The following PCDH15 variants were observed in gnomAD, a reference collection of about 807,000 sequenced individuals.
The protein encoded by PCDH15 is protocadherin-15.
A neutral mutation model predicts 178.5 loss-of-function variants in PCDH15; 129 were observed. The observed-to-expected ratio is 0.72, with a 90% confidence interval of 0.63 to 0.84. The LOEUF is 0.84. Ranked by LOEUF, PCDH15 falls within the 40% of genes least tolerant of loss-of-function variation. PCDH15 has a pLI of 0.00. For missense variants in PCDH15, 2,230 were observed against 2,099.9 expected, an observed-to-expected ratio of 1.06 and a Z score of -1.21; for synonymous variants, 800 against 732.0, an observed-to-expected ratio of 1.09 and a Z score of -1.50.
intron 10 of PCDH15, among the ~76,000 whole-genome samples, chr10:54,200,967 C>T (rs7358123): frequency 0.27 from 41,317 of 152,002 alleles, 6,317 homozygotes; most frequent in Non-Finnish European, 0.36. Flanking sequence ...CTGTGTACTT[C>T]GTAACACTGC....
chr10:54,486,856 A>C (rs111863958), intron 3 of PCDH15, among the ~76,000 whole-genome samples: 6,242 of 151,928 alleles, frequency 0.041, 203 homozygotes, highest in South Asian at 0.093. Context: ...TTGGGACTCT[A>C]CTTTAATGAT....
At chr10:54,676,970 T>C (rs1481529438) in intron 1 of PCDH15, among the ~76,000 whole-genome samples, 1 of 152,286 alleles carries the variant, frequency 6.6e-6, no homozygotes, top group Non-Finnish European at 1.5e-5. Context: ...TTACAGATGA[T>C]TTTGAAGTTG....
chr10:54,717,400 A>C (rs1350048755), intron 1 of PCDH15, among the ~76,000 whole-genome samples: 1 of 136,910 alleles, frequency 7.3e-6, no homozygotes, highest in Non-Finnish European at 1.6e-5. Context: ...CAATGAACTC[A>C]AACAAATTTA....
chr10:55,385,698 T>TATATATATATATATATATATATGC (rs1487726564), intron 2 of PCDH15, among the ~76,000 whole-genome samples: 106 of 143,496 alleles, frequency 7.4e-4, no homozygotes, highest in Non-Finnish European at 1.3e-3. Context: ...TCTGCCTATA[T>TATATATATATATATATATATATGC]ATATATATAT....
rs562551493 is a variant in PCDH15 at position 53,831,178 on chromosome 10, G to A, written c.4202+137C>T. 2.2e-4 allele frequency: 185 copies of A among 833,308 alleles called. 1 individual carries two copies. The highest frequency in any genetic ancestry group is 1.7e-3 in the East Asian group (67 of 38,524). The allele number at this position is 833,308 out of a possible 1,614,324, so 51.6% of individuals were successfully genotyped here. On this transcript the variant is annotated intron_variant, in intron 30 of 37. Coordinates refer to ENST00000644397, the MANE Select transcript of PCDH15 (RefSeq NM_001384140.1). ...CCTTTTGAAGAAAATCATTTGGTACGAGATAGACAGACAGATAAAGCAATC... is the reference window on the plus strand; with the variant it reads ...CCTTTTGAAGAAAATCATTTGGTACAAGATAGACAGACAGATAAAGCAATC...
intron 15 of PCDH15, among the ~76,000 whole-genome samples, chr10:54,124,590 A>G (rs2041832417): frequency 6.6e-6 from 1 of 152,252 alleles, no homozygotes; most frequent in Admixed American, 6.5e-5. Context: ...GAAAAAAATA[A>G]AAGCATCTTT....
chr10:55,043,758 A>C (rs1840928049), intron 2 of PCDH15, among the ~76,000 whole-genome samples: 1 of 151,092 alleles, frequency 6.6e-6, no homozygotes, highest in African/African-American at 2.4e-5. Flanking sequence ...TAAATAAATA[A>C]AAGATTAAAA....
At chr10:55,046,469 T>A (rs912484088) in intron 2 of PCDH15, among the ~76,000 whole-genome samples, 7 of 151,960 alleles carry the variant, frequency 4.6e-5, no homozygotes, top group Non-Finnish European at 1.0e-4. Context: ...TTGTAGAAAC[T>A]GACATTGGGC....
intron 2 of PCDH15, among the ~76,000 whole-genome samples, chr10:55,515,700 A>G (rs1303627386): frequency 6.6e-6 from 1 of 152,076 alleles, no homozygotes; most frequent in Admixed American, 6.6e-5. Flanking sequence ...TACTGTAACC[A>G]AAAAGGTCGA....
At chr10:54,816,725 C>T (rs1205904570) in intron 3 of PCDH15, among the ~76,000 whole-genome samples, 2 of 151,960 alleles carry the variant, frequency 1.3e-5, no homozygotes, top group Non-Finnish European at 2.9e-5. Flanking sequence ...CTGCTGTAGG[C>T]CCAATGCTAC....
chr10:54,475,033 T>C (rs1375868221), intron 3 of PCDH15, among the ~76,000 whole-genome samples: 2 of 151,958 alleles, frequency 1.3e-5, no homozygotes, highest in Non-Finnish European at 2.9e-5. Context: ...CTACAACTTA[T>C]TCTCCTAAAC....
At chr10:54,107,740 T>C (rs2094942792) in intron 15 of PCDH15, among the ~76,000 whole-genome samples, 1 of 152,016 alleles carries the variant, frequency 6.6e-6, no homozygotes, top group Admixed American at 6.6e-5. Context: ...GTTGTGGAAG[T>C]GATCAATGTA....
Position 54,421,849 on chromosome 10 carries a change from A to G in PCDH15, c.158-42907T>C, listed in dbSNP as rs1159795444. Among the ~76,000 whole-genome samples, 3 of 50,028 alleles carry G rather than the reference A, an allele frequency of 6.0e-5. 1 individual carries two copies. The highest frequency in any genetic ancestry group is 1.9e-4 in the African/African-American group (3 of 16,148). 32.8% of individuals were successfully genotyped at this position (50,028 alleles called of 152,430 possible). On this transcript the variant is annotated intron_variant, in intron 3 of 37. Coordinates refer to ENST00000644397, the MANE Select transcript of PCDH15 (RefSeq NM_001384140.1). The stretch of plus-strand genomic sequence containing the variant: ...ATATATATATATATACACACACACT[A>G]TATATATATATATACACACACTATA...
At chr10:55,251,712 T>C (rs535977086) in intron 1 of PCDH15, among the ~76,000 whole-genome samples, 59 of 152,336 alleles carry the variant, frequency 3.9e-4, no homozygotes, top group African/African-American at 1.3e-3. Flanking sequence ...AATTGTTGAA[T>C]TGTTAAAATT....
intron 3 of PCDH15, among the ~76,000 whole-genome samples, chr10:54,823,206 AACAC>A (rs4007188): frequency 6.7e-5 from 10 of 148,916 alleles, no homozygotes; most frequent in East Asian, 2.0e-4. Context: ...CACCAGCATA[AACAC>A]ACACACACAC....
chr10:55,245,805 A>G (rs942248124), intron 1 of PCDH15, among the ~76,000 whole-genome samples: 24 of 152,204 alleles, frequency 1.6e-4, no homozygotes, highest in African/African-American at 5.8e-4. Context: ...GATAGATAGC[A>G]TAACACGAAT....
intron 1 of PCDH15, among the ~76,000 whole-genome samples, chr10:55,249,057 AAGAC>A (rs1346632531): frequency 2.0e-5 from 3 of 152,206 alleles, no homozygotes; most frequent in African/African-American, 7.2e-5. Context: ...AATCTATAAA[AAGAC>A]AGACTCATTT....
At chr10:54,284,790 T>C (rs1267553536) in intron 8 of PCDH15, among the ~76,000 whole-genome samples, 13 of 152,156 alleles carry the variant, frequency 8.5e-5, no homozygotes, top group Non-Finnish European at 2.9e-5. Context: ...TATGAAGCAT[T>C]ATCTAAGACC....
intron 1 of PCDH15, among the ~76,000 whole-genome samples, chr10:54,762,473 T>C (rs887035902): frequency 1.3e-5 from 2 of 152,160 alleles, no homozygotes; most frequent in Admixed American, 6.5e-5. Context: ...TTGTAACTTT[T>C]ATGGCATAGC....
Sources: gnomAD v4.1 joint callset for allele counts (sites outside exome capture counted in the v4.1 genomes callset) on GRCh38, gnomAD v4.1.1 for gene constraint, MANE v1.5 for transcripts, NCBI Gene and HGNC (gene_info 2026-07-23, HGNC 2026-07-21) for gene names.